Variants in LINGO2 observed in about 807,000 individuals in gnomAD.
The protein encoded by LINGO2 is leucine rich repeat and Ig domain containing 2.
LINGO2 carries 14 observed loss-of-function variants against 30.6 expected under a neutral mutation model. The ratio of observed to expected loss-of-function variants is 0.46; its 90% CI spans 0.30 to 0.72. The LOEUF (loss-of-function observed/expected upper bound fraction) is 0.72. Among genes scored for constraint, LINGO2 ranks in the 30% least tolerant of loss-of-function variants. The pLI is 0.07. For missense variants in LINGO2, 729 were observed against 751.7 expected (o/e 0.97, Z 0.35); for synonymous variants, 317 against 288.5 (o/e 1.10, Z -1.00).
At chr9:28,725,511 T>C in the LINGO2 span, among the ~76,000 whole-genome samples, 11 of 147,440 alleles carry the variant, frequency 7.5e-5, no homozygotes, top group African/African-American at 2.8e-4. Context: ...GGGGGAATAA[T>C]CCTCAAAGAT....
intron 4 of LINGO2, among the ~76,000 whole-genome samples, chr9:28,065,709 G>T (rs1395628023): frequency 3.3e-5 from 5 of 152,078 alleles, no homozygotes; most frequent in Non-Finnish European, 5.9e-5. Context: ...ATGCAATAAG[G>T]TGTGATGGTA....
At chr9:29,191,879 T>A in the LINGO2 span, among the ~76,000 whole-genome samples, 6 of 152,150 alleles carry the variant, frequency 3.9e-5, no homozygotes, top group Non-Finnish European at 7.4e-5. Flanking sequence ...ACGAACCTGA[T>A]CATATCTCTT....
intron 4 of LINGO2, among the ~76,000 whole-genome samples, chr9:28,068,094 T>C (rs1193459697): frequency 6.6e-6 from 1 of 152,190 alleles, no homozygotes; most frequent in Non-Finnish European, 1.5e-5. Flanking sequence ...TGTTTACATT[T>C]TGATTGGATC....
chr9:29,061,213 C>T, the LINGO2 span, among the ~76,000 whole-genome samples: 3 of 151,850 alleles, frequency 2.0e-5, no homozygotes, highest in Non-Finnish European at 4.4e-5. Context: ...GCATAAATCT[C>T]AAAAGCACTG....
chr9:28,233,055 T>TA lies in LINGO2; in HGVS notation c.-87+62152dup, dbSNP rs1269630419. Among the ~76,000 whole-genome samples, 78 of 123,108 alleles carry TA rather than the reference T, an allele frequency of 6.3e-4. 1 individual carries two copies. The highest frequency in any genetic ancestry group is 2.4e-3 in the African/African-American group (71 of 29,700). The allele number at this position is 123,108 out of a possible 152,430, so 80.8% of individuals were successfully genotyped here. A position where few individuals can be genotyped will look rare whatever the true frequency, so the allele number is the denominator to read the frequency against. ...TTATATATATATATATATATATATATATATATTAGATATATAATAGATATA... is the reference window on the plus strand; with the variant it reads ...TTATATATATATATATATATATATATAATATATTAGATATATAATAGATATA... On this transcript the variant is annotated intron_variant, in intron 4 of 5. Transcript: ENST00000379992.
chr9:28,447,502 A>G (rs2135052258), intron 2 of LINGO2, among the ~76,000 whole-genome samples: 1 of 152,304 alleles, frequency 6.6e-6, no homozygotes, highest in African/African-American at 2.4e-5. Context: ...TATAAGCCAC[A>G]CAGTTTATTG....
intron 4 of LINGO2, among the ~76,000 whole-genome samples, chr9:28,238,296 G>T (rs1319121289): frequency 2.0e-5 from 3 of 152,068 alleles, no homozygotes; most frequent in Admixed American, 6.6e-5. Flanking sequence ...TAGACCAAAT[G>T]AACCTAATAG....
At chr9:28,003,450 T>C (rs1458312231) in intron 5 of LINGO2, among the ~76,000 whole-genome samples, 1 of 151,944 alleles carries the variant, frequency 6.6e-6, no homozygotes, top group African/African-American at 2.4e-5. Flanking sequence ...GTGTTTTGGG[T>C]CTTTATTTAG....
At chr9:28,415,806 ATT>A (rs1822945557) in intron 2 of LINGO2, among the ~76,000 whole-genome samples, 3 of 152,190 alleles carry the variant, frequency 2.0e-5, no homozygotes, top group Non-Finnish European at 2.9e-5. Flanking sequence ...TTTACAAGCA[ATT>A]ATTATATAGT....
intron 4 of LINGO2, among the ~76,000 whole-genome samples, chr9:28,108,448 T>G (rs1047948657): frequency 4.6e-5 from 7 of 151,874 alleles, no homozygotes; most frequent in Non-Finnish European, 8.8e-5. Context: ...TTCTTTTGCC[T>G]TACACTGGCC....
intron 3 of LINGO2, among the ~76,000 whole-genome samples, chr9:28,327,124 G>A (rs1825258287): frequency 6.6e-6 from 1 of 152,136 alleles, no homozygotes; most frequent in Non-Finnish European, 1.5e-5. Flanking sequence ...GCTATGTGAA[G>A]ATGCAGTAAG....
chr9:28,369,945 G>C (rs546133484), intron 3 of LINGO2, among the ~76,000 whole-genome samples: 1 of 152,208 alleles, frequency 6.6e-6, no homozygotes, highest in East Asian at 1.9e-4. Flanking sequence ...GGGCAAAATA[G>C]GTTATTTATA....
intron 5 of LINGO2, among the ~76,000 whole-genome samples, chr9:27,954,156 A>G (rs1019747648): frequency 6.6e-5 from 10 of 152,222 alleles, no homozygotes; most frequent in Non-Finnish European, 1.5e-4. Flanking sequence ...AAGTTAGAGT[A>G]TATAGAGTAT....
intron 1 of LINGO2, among the ~76,000 whole-genome samples, chr9:28,561,454 A>T (rs1823052069): frequency 6.6e-6 from 1 of 151,088 alleles, no homozygotes; most frequent in Non-Finnish European, 1.5e-5. Context: ...TTTTAAATTT[A>T]CCTCAGGAGA....
At chr9:28,847,824 T>A in the LINGO2 span, among the ~76,000 whole-genome samples, 2 of 38,918 alleles carry the variant, frequency 5.1e-5, 1 homozygote, top group African/African-American at 1.6e-4. Flanking sequence ...TATATACATA[T>A]ATATGTATAG....
the LINGO2 span, among the ~76,000 whole-genome samples, chr9:29,141,999 CAG>C: frequency 6.6e-6 from 1 of 151,454 alleles, no homozygotes; most frequent in African/African-American, 2.4e-5. Flanking sequence ...ATAGAAAAAC[CAG>C]ACAGAAAATC....
At chr9:28,886,564 T>C in the LINGO2 span, among the ~76,000 whole-genome samples, 2 of 152,144 alleles carry the variant, frequency 1.3e-5, no homozygotes, top group African/African-American at 4.8e-5. Flanking sequence ...GCACAAAATA[T>C]ACCACAGTTA....
the LINGO2 span, among the ~76,000 whole-genome samples, chr9:28,873,701 G>A: frequency 2.6e-5 from 4 of 151,942 alleles, no homozygotes; most frequent in East Asian, 5.8e-4. Flanking sequence ...TATAATTGCA[G>A]AAAAAGACTA....
chr9:28,342,181 T>A (rs1331885), intron 3 of LINGO2, among the ~76,000 whole-genome samples: 3 of 151,846 alleles, frequency 2.0e-5, no homozygotes, highest in East Asian at 1.9e-4. Context: ...GCCACAAACC[T>A]CTCGCTGTCT....
Sources: gnomAD v4.1 joint callset for allele counts (sites outside exome capture counted in the v4.1 genomes callset) on GRCh38, gnomAD v4.1.1 for gene constraint, MANE v1.5 for transcripts, NCBI Gene and HGNC (gene_info 2026-07-23, HGNC 2026-07-21) for gene names.